Variants in FXR1 observed in about 807,000 individuals in gnomAD.
FXR1 encodes the protein FMR1 autosomal homolog 1, also known as RNA-binding protein FXR1.
In FXR1, 15 loss-of-function variants were observed where a neutral mutation model predicts 84.0. The ratio of observed to expected loss-of-function variants is 0.18; its 90% CI spans 0.12 to 0.27. The LOEUF is 0.27. Among genes scored for constraint, FXR1 ranks in the 10% least tolerant of loss-of-function variants. The pLI, the probability that FXR1 is intolerant of heterozygous loss-of-function variation, is 1.00. For synonymous variants in FXR1, 245 were observed against 250.7 expected, an observed-to-expected ratio of 0.98 and a Z score of 0.21; for missense variants, 480 against 774.4, an observed-to-expected ratio of 0.62 and a Z score of 4.51.
At chr3:180,939,052 G>A (rs1044854678) in intron 3 of FXR1, among the ~76,000 whole-genome samples, 1 of 151,968 alleles carries the variant, frequency 6.6e-6, no homozygotes, top group Non-Finnish European at 1.5e-5. Context: ...GAGCCACAAT[G>A]CCCAGCTAAT....
chr3:180,924,150 G>C (rs1197530121), intron 1 of FXR1, among the ~76,000 whole-genome samples: 1 of 152,038 alleles, frequency 6.6e-6, no homozygotes, highest in Non-Finnish European at 1.5e-5. Flanking sequence ...GTAGAGATAG[G>C]GTTTCGCCAT....
intron 3 of FXR1, among the ~76,000 whole-genome samples, chr3:180,939,396 A>C (rs145938035): frequency 6.6e-6 from 1 of 152,242 alleles, no homozygotes; most frequent in East Asian, 1.9e-4. Context: ...GTAAACTGTC[A>C]TTCTTCAATC....
At chr3:180,956,695 T>TC (rs1722771583) in intron 9 of FXR1, among the ~76,000 whole-genome samples, 1 of 147,492 alleles carries the variant, frequency 6.8e-6, no homozygotes, top group Non-Finnish European at 1.5e-5. Context: ...CTGCCCTACT[T>TC]TTTTTTTTTT....
intron 9 of FXR1, among the ~76,000 whole-genome samples, chr3:180,956,144 A>T (rs1722719739): frequency 6.6e-6 from 1 of 152,148 alleles, no homozygotes; most frequent in African/African-American, 2.4e-5. Flanking sequence ...TCCAGAGAGG[A>T]TTTCCTTACA....
At chr3:180,958,898 C>T (rs2108479234) in intron 10 of FXR1, among the ~76,000 whole-genome samples, 1 of 151,324 alleles carries the variant, frequency 6.6e-6, no homozygotes, top group East Asian at 2.0e-4. Context: ...ACCTCTGCCT[C>T]CCTCATTCAA....
In FXR1 at chr3:180,916,144, G is replaced by GA. The variant is rs1192212566; in HGVS notation, c.51+3413dup. Among the ~76,000 whole-genome samples, 4 of 152,194 alleles carry GA rather than the reference G, an allele frequency of 2.6e-5. No individual in the cohort carries two copies. The East Asian group carries it at 5.8e-4, about 22-fold the overall frequency. On this transcript the variant is annotated intron_variant, in intron 1 of 16. Coordinates refer to ENST00000357559, the MANE Select transcript of FXR1 (RefSeq NM_005087.4). Reference sequence around the variant, plus strand: ...TACTACTGGACATTTAAGGTGTCTTGAAAAAGAAAGTTTTAATGAGGTAGA... The same window carrying GA: ...TACTACTGGACATTTAAGGTGTCTTGAAAAAAGAAAGTTTTAATGAGGTAGA...
In FXR1 at chr3:180,980,992, TTTGACA is replaced by T. The variant is rs1369979001; in HGVS notation, c.*4704_*4709del. ...TTGTTTTTTTAAGCTTAGTCTGTTC[TTTGACA>T]TTGTTGATTCATGTTCTAAATTTTC... On this transcript the variant is annotated 3_prime_UTR_variant, in exon 17 of 17. Transcript: ENST00000357559. The T allele has an allele frequency of 1.3e-5, 2 of 152,154 alleles. No homozygotes were observed. Among genetic ancestry groups the T allele is most frequent in the African/African-American group, 2.4e-5 (1 of 41,552 alleles). The allele number at this position is 152,154 out of a possible 1,614,324, so 9.4% of individuals were successfully genotyped here. A position where few individuals can be genotyped will look rare whatever the true frequency, so the allele number is the denominator to read the frequency against.
At chr3:180,919,529 C>T (rs186209399) in intron 1 of FXR1, among the ~76,000 whole-genome samples, 1 of 152,130 alleles carries the variant, frequency 6.6e-6, no homozygotes, top group East Asian at 1.9e-4. Flanking sequence ...AATGTTCCAC[C>T]TGGCTCAGCC....
At position 180,979,488 on chromosome 3, in the gene FXR1, T is replaced by G. The variant is rs1185879232; in HGVS notation, c.*3196T>G. 6.6e-6 allele frequency: 1 copy of G among 152,118 alleles called. No homozygotes were observed. Among genetic ancestry groups the G allele is most frequent in the Non-Finnish European group, 1.5e-5 (1 of 67,980 alleles). The allele number at this position is 152,118 out of a possible 1,614,324, so 9.4% of individuals were successfully genotyped here. On this transcript the variant is annotated 3_prime_UTR_variant, in exon 17 of 17. Transcript: ENST00000357559. ...AGTCTTCCTGTCTTTGCTACACGAT[T>G]TGGATCCCTTACGCTTTTTCGTTAA...
chr3:180,945,881 A>G (rs574406618), intron 3 of FXR1, among the ~76,000 whole-genome samples: 6 of 152,150 alleles, frequency 3.9e-5, no homozygotes, highest in Non-Finnish European at 8.8e-5. Flanking sequence ...GTTTGAGAAC[A>G]ATGTTTGAGA....
intron 3 of FXR1, among the ~76,000 whole-genome samples, chr3:180,947,035 G>A (rs1486701262): frequency 6.6e-6 from 1 of 152,006 alleles, no homozygotes; most frequent in Non-Finnish European, 1.5e-5. Flanking sequence ...AATATGACTT[G>A]TTTTTTTGTG....
chr3:180,964,735 C>A (rs1043951789), intron 13 of FXR1, among the ~76,000 whole-genome samples: 4 of 145,966 alleles, frequency 2.7e-5, no homozygotes, highest in Non-Finnish European at 4.5e-5. Flanking sequence ...TTAATAGGAA[C>A]TATAAGAAAC....
Position 180,976,111 on chromosome 3 carries a change from C to T in FXR1, c.1696-11C>T, listed in dbSNP as rs753962668. ...TATAAAGAAGTTGAAAAAGTTGTCT[C>T]CCTTTGGCAGGCAAAAGATGTGATT... On this transcript the variant is annotated splice_polypyrimidine_tract_variant and intron_variant, in intron 16 of 16. Transcript: ENST00000357559. The T allele has an allele frequency of 2.8e-5, 45 of 1,594,058 alleles. No homozygotes were observed. In the South Asian group the frequency reaches 5.1e-4, roughly 18 times the overall value.
chr3:180,938,523 C>G (rs1470214448), intron 3 of FXR1, among the ~76,000 whole-genome samples: 3 of 152,026 alleles, frequency 2.0e-5, no homozygotes, highest in Non-Finnish European at 4.4e-5. Context: ...GAAGTCCTTG[C>G]ATTTTATGGC....
intron 7 of FXR1, among the ~76,000 whole-genome samples, chr3:180,950,554 A>G (rs1262002649): frequency 2.0e-5 from 3 of 152,302 alleles, no homozygotes; most frequent in Middle Eastern, 6.8e-3. Context: ...TACACTTAGT[A>G]TTAAGTATGT....
chr3:180,934,920 A>G (rs1363111526), intron 2 of FXR1, among the ~76,000 whole-genome samples: 1 of 152,190 alleles, frequency 6.6e-6, no homozygotes, highest in African/African-American at 2.4e-5. Flanking sequence ...GAGGTAATGT[A>G]CAATTGTTAA....
chr3:180,969,119 T>C (rs1713213861), intron 14 of FXR1, among the ~76,000 whole-genome samples: 1 of 148,010 alleles, frequency 6.8e-6, no homozygotes, highest in South Asian at 2.2e-4. Context: ...GGGCAAAAAT[T>C]AGGAACTTGT....
At chr3:180,912,922 TTA>T (rs1717399735) in intron 1 of FXR1, among the ~76,000 whole-genome samples, 186 bp downstream of exon 1, 1 of 152,084 alleles carries the variant, frequency 6.6e-6, no homozygotes, top group African/African-American at 2.4e-5. Context: ...CGGGGCTCCG[TTA>T]TGTTTTGAAA....
At chr3:180,926,506 A>ATATATATATATATATTTTT (rs72192827) in intron 1 of FXR1, among the ~76,000 whole-genome samples, 9 of 124,370 alleles carry the variant, frequency 7.2e-5, no homozygotes, top group Non-Finnish European at 1.0e-4. Flanking sequence ...ATATATATAT[A>ATATATATATATATATTTTT]TTTTTTTTTC....
Sources: gnomAD v4.1 joint callset for allele counts (sites outside exome capture counted in the v4.1 genomes callset) on GRCh38, gnomAD v4.1.1 for gene constraint, MANE v1.5 for transcripts, NCBI Gene and HGNC (gene_info 2026-07-23, HGNC 2026-07-21) for gene names.